Variants in CCSER1 observed in about 807,000 individuals in gnomAD.
CCSER1 encodes coiled-coil serine rich protein 1.
In CCSER1, 41 loss-of-function variants were observed where a neutral mutation model predicts 82.0. The observed-to-expected ratio is 0.50, with a 90% confidence interval of 0.39 to 0.65. The LOEUF (loss-of-function observed/expected upper bound fraction) is 0.65, where lower values mean the gene tolerates loss of function less well. Among genes scored for constraint, CCSER1 ranks in the 30% least tolerant of loss-of-function variants. The pLI is 0.00. For missense variants in CCSER1, 1,119 were observed against 1,064.2 expected, an observed-to-expected ratio of 1.05 and a Z score of -0.72; for synonymous variants, 414 against 383.9, an observed-to-expected ratio of 1.08 and a Z score of -0.92.
intron 10 of CCSER1, among the ~76,000 whole-genome samples, chr4:91,162,243 G>A (rs926635955): frequency 6.6e-6 from 1 of 152,094 alleles, no homozygotes; most frequent in Admixed American, 6.6e-5. Flanking sequence ...TTATTGATTT[G>A]CATATGTTGA....
intron 10 of CCSER1, among the ~76,000 whole-genome samples, chr4:91,417,164 A>G (rs1753416197): frequency 6.6e-6 from 1 of 152,170 alleles, no homozygotes; most frequent in African/African-American, 2.4e-5. Flanking sequence ...GAGATACCAT[A>G]TCATGCCAGT....
intron 10 of CCSER1, among the ~76,000 whole-genome samples, chr4:91,591,528 A>G (rs557439141): frequency 6.6e-6 from 1 of 152,162 alleles, no homozygotes; most frequent in African/African-American, 2.4e-5. Flanking sequence ...TCTCCAAGCA[A>G]CTAGACCAGT....
At chr4:90,385,460 G>A (rs534177253) in intron 3 of CCSER1, among the ~76,000 whole-genome samples, 6 of 134,958 alleles carry the variant, frequency 4.4e-5, no homozygotes, top group Admixed American at 2.2e-4. Context: ...TCTCGGTGTA[G>A]TTTTTTTTTT....
At chr4:91,401,249 C>A (rs1335539666) in intron 10 of CCSER1, among the ~76,000 whole-genome samples, 1 of 148,926 alleles carries the variant, frequency 6.7e-6, no homozygotes, top group Non-Finnish European at 1.5e-5. Flanking sequence ...TATGTGTATT[C>A]TAAGACATAT....
At chr4:90,236,175 C>T (rs896474706) in intron 1 of CCSER1, among the ~76,000 whole-genome samples, 5 of 152,234 alleles carry the variant, frequency 3.3e-5, no homozygotes, top group African/African-American at 9.6e-5. Flanking sequence ...GCAGTCCTCC[C>T]GCTGTGGCCT....
intron 10 of CCSER1, among the ~76,000 whole-genome samples, chr4:91,475,093 T>TA (rs988563413): frequency 5.5e-4 from 84 of 151,824 alleles, no homozygotes; most frequent in African/African-American, 2.0e-3. Context: ...TCTCTACTGT[T>TA]ACACATTGCT....
intron 1 of CCSER1, among the ~76,000 whole-genome samples, chr4:90,147,889 G>C (rs985612805): frequency 1.3e-5 from 2 of 152,138 alleles, no homozygotes; most frequent in Non-Finnish European, 2.9e-5. Context: ...AAAAGGCCGG[G>C]CATGGTGGCT....
chr4:91,253,835 G>A (rs1292732034), intron 10 of CCSER1, among the ~76,000 whole-genome samples: 4 of 152,100 alleles, frequency 2.6e-5, no homozygotes, highest in Non-Finnish European at 5.9e-5. Context: ...GTCACACATG[G>A]TGCAAGAAGG....
intron 9 of CCSER1, among the ~76,000 whole-genome samples, chr4:90,982,213 G>T (rs1304097278): frequency 6.6e-6 from 1 of 151,722 alleles, no homozygotes. Flanking sequence ...TTCCTGGTTT[G>T]CAGATGGCTA....
intron 10 of CCSER1, among the ~76,000 whole-genome samples, chr4:91,443,687 AATAT>A (rs1755362927): frequency 6.7e-6 from 1 of 148,614 alleles, no homozygotes; most frequent in Non-Finnish European, 1.5e-5. Flanking sequence ...AAAAGAAAAT[AATAT>A]TAGCGATCAG....
chr4:91,290,707 A>T (rs2149218363), intron 10 of CCSER1, among the ~76,000 whole-genome samples: 1 of 152,102 alleles, frequency 6.6e-6, no homozygotes, highest in South Asian at 2.1e-4. Flanking sequence ...TTCTATAGAA[A>T]ACATATTCAA....
intron 9 of CCSER1, among the ~76,000 whole-genome samples, chr4:90,975,203 G>T (rs1735496118): frequency 1.3e-5 from 2 of 151,300 alleles, no homozygotes; most frequent in Non-Finnish European, 3.0e-5. Context: ...TTTATCAGGG[G>T]TTAAGAGAAG....
At chr4:91,325,093 C>A in intron 10 of CCSER1, 1 of 447,988 alleles carries the variant, frequency 2.2e-6, no homozygotes, top group East Asian at 7.0e-5. Context: ...CTTGGGGCTA[C>A]CCTTTACCAA....
chr4:90,967,381 G>A (rs1035917589), intron 9 of CCSER1, among the ~76,000 whole-genome samples: 32 of 151,870 alleles, frequency 2.1e-4, no homozygotes, highest in Non-Finnish European at 1.5e-4. Context: ...CCCAAGAGGT[G>A]CAGGTTGCAG....
chr4:90,272,108 C>T (rs532125201), intron 1 of CCSER1, among the ~76,000 whole-genome samples: 6 of 151,834 alleles, frequency 4.0e-5, no homozygotes, highest in African/African-American at 1.4e-4. Flanking sequence ...GATTCAATCA[C>T]CTCCCACCAG....
intron 10 of CCSER1, among the ~76,000 whole-genome samples, chr4:91,231,489 G>T (rs1166821192): frequency 2.6e-5 from 4 of 151,704 alleles, no homozygotes; most frequent in Non-Finnish European, 5.9e-5. Flanking sequence ...TGAGTAATAT[G>T]GAAGAAAATC....
Position 90,597,445 on chromosome 4 carries a change from A to G in CCSER1, c.1725-30580A>G, listed in dbSNP as rs187003565. Among the ~76,000 whole-genome samples, 34 of 152,176 alleles carry G rather than the reference A, an allele frequency of 2.2e-4. 1 individual carries two copies. The East Asian group carries it at 5.6e-3, about 25-fold the overall frequency. On this transcript the variant is annotated intron_variant, in intron 5 of 10. Transcript: ENST00000509176. The stretch of plus-strand genomic sequence containing the variant: ...AATAAACTGCATGTTTTTAAAATAT[A>G]CTATTTAAGTTTTGACATATAGACC...
At chr4:91,319,733 G>A (rs1254953362) in intron 10 of CCSER1, 3 of 455,546 alleles carry the variant, frequency 6.6e-6, no homozygotes, top group Non-Finnish European at 1.3e-5. Context: ...AGCACTGGGA[G>A]GCAGAAGCAC....
chr4:90,303,945 A>C (rs199592380), intron 1 of CCSER1, among the ~76,000 whole-genome samples: 15 of 150,168 alleles, frequency 1.0e-4, no homozygotes, highest in South Asian at 2.1e-4. Context: ...GAACTCAAAC[A>C]AATTTACAAG....
Sources: gnomAD v4.1 joint callset for allele counts (sites outside exome capture counted in the v4.1 genomes callset) on GRCh38, gnomAD v4.1.1 for gene constraint, MANE v1.5 for transcripts, NCBI Gene and HGNC (gene_info 2026-07-23, HGNC 2026-07-21) for gene names.